LZTS2: variants seen among roughly 807,000 people sequenced by gnomAD.
The protein encoded by LZTS2 is leucine zipper tumor suppressor 2, also known as leucine zipper putative tumor suppressor 2.
In LZTS2, 32 loss-of-function variants were observed where a neutral mutation model predicts 60.6. The observed-to-expected ratio is 0.53, with a 90% confidence interval of 0.40 to 0.71. The LOEUF (loss-of-function observed/expected upper bound fraction) is 0.71, where lower values mean the gene tolerates loss of function less well. Among genes scored for constraint, LZTS2 ranks in the 30% least tolerant of loss-of-function variants. LZTS2 has a pLI of 0.00. For synonymous variants in LZTS2, 360 were observed against 393.1 expected (o/e 0.92, Z 1.00); for missense variants, 792 against 901.9 (o/e 0.88, Z 1.56).
intron 1 of LZTS2, 185 bp downstream of exon 2, chr10:101,003,131 T>C: frequency 1.4e-6 from 1 of 728,422 alleles, no homozygotes; most frequent in Non-Finnish European, 2.2e-6. Context: ...TGAGCCTCAG[T>C]TTCTAGAACT....
chr10:101,002,938 C>A, exon 1 of LZTS2: 1 of 1,609,636 alleles, frequency 6.2e-7, no homozygotes, highest in South Asian at 1.1e-5. Context: ...CTCTGGAAAG[C>A]TGGAGAAGGT....
intron 2 of LZTS2, among the ~76,000 whole-genome samples, chr10:101,004,581 C>T (rs58678340): frequency 0.037 from 5,660 of 152,184 alleles, 182 homozygotes; most frequent in African/African-American, 0.092. Context: ...CCAGCCTGGG[C>T]GACAGAGCAA....
rs1425680708 is a variant in LZTS2 at position 101,005,476 on chromosome 10, C to T, written c.1087C>T (p.Arg363Trp). The T allele has an allele frequency of 5.7e-6, 9 of 1,568,948 alleles. No homozygotes were observed. The African/African-American group carries it at 8.1e-5, about 14-fold the overall frequency. The change falls in exon 3 of 4, where the codon CGG (arginine) becomes TGG (tryptophan). Residue 363 changes from arginine (R) to tryptophan (W), a missense_variant. Arg to Trp is a moderately radical substitution (Grantham distance 101, BLOSUM62 -3). Transcript: ENST00000370220. ...CCTGCAGGCATACGAGGAGCGGCAG[C>T]GGCACTGGCAGCGAGAGCGTGAGGC...
exon 4 of LZTS2, chr10:101,007,630 T>G: frequency 8.1e-7 from 1 of 1,231,172 alleles, no homozygotes; most frequent in South Asian, 1.4e-5. Context: ...AGGTTTGAGC[T>G]CTGCAGCCTC....
chr10:100,999,547 T>A (rs1851982597), exon 1 of LZTS2: 1 of 151,918 alleles, frequency 6.6e-6, no homozygotes, highest in Admixed American at 6.5e-5. Flanking sequence ...GGGCCCCGGC[T>A]GGGGTTGAGG....
At chr10:101,005,810 C>T (rs774978653) in intron 3 of LZTS2, 95 bp downstream of exon 4, 79 of 1,398,242 alleles carry the variant, frequency 5.6e-5, no homozygotes, top group Non-Finnish European at 7.0e-5. Context: ...CTGCCACCCC[C>T]AGAGGTCCTC....
rs751783604 is a variant in LZTS2 at position 101,002,753 on chromosome 10, C to CCA, written c.215_216insCA (p.Leu73SerfsTer71). 6.2e-7 allele frequency: 1 copy of CCA among 1,613,286 alleles called. No homozygotes were observed. The highest frequency in any genetic ancestry group is 8.5e-7 in the Non-Finnish European group (1 of 1,179,746). ...CGGGGTGGCTATGAGGCACAGGAGC[C>CCA]GCTGTGCCCAGCTGTGCCCCCTAGG... On this transcript the variant is annotated frameshift_variant, in exon 1 of 4. Coordinates refer to ENST00000370220, the Ensembl canonical transcript of LZTS2. LOFTEE classifies it high-confidence loss of function.
At chr10:101,006,645 A>C (rs1158269053) in exon 4 of LZTS2, 1 of 1,589,466 alleles carries the variant, frequency 6.3e-7, no homozygotes, top group Admixed American at 1.8e-5. Context: ...CGGGGTCTAC[A>C]GGAGGCCGCC....
chr10:101,006,488 T>A, exon 4 of LZTS2: 1 of 1,607,660 alleles, frequency 6.2e-7, no homozygotes, highest in Non-Finnish European at 8.5e-7. Flanking sequence ...CCCCCAGGTG[T>A]GCCAGAAATC....
chr10:101,004,158 A>AGG lies in LZTS2; in HGVS notation c.1060_1061insGG (p.Met354ArgfsTer101). 1 of 1,599,488 alleles carries AGG rather than the reference A, an allele frequency of 6.3e-7. No homozygotes were observed. Among genetic ancestry groups the AGG allele is most frequent in the Non-Finnish European group, 8.6e-7 (1 of 1,169,424 alleles). On this transcript the variant is annotated frameshift_variant, in exon 2 of 4. Coordinates refer to ENST00000370220, the Ensembl canonical transcript of LZTS2. LOFTEE classifies it high-confidence loss of function. Reference sequence around the variant, plus strand: ...CAGTCTGGACGAGAATGAGGCTACCATGTGCCAGGTGTGGTCAGAGGCAAT... The same window carrying AGG: ...CAGTCTGGACGAGAATGAGGCTACCAGGTGTGCCAGGTGTGGTCAGAGGCAAT...
exon 2 of LZTS2, chr10:101,003,524 G>A (rs1158453948): frequency 1.3e-6 from 2 of 1,519,198 alleles, no homozygotes; most frequent in African/African-American, 2.8e-5. Context: ...AGAAGATCCT[G>A]ATCCGCCCAA....
chr10:101,006,377 G>A (rs1852196963), intron 3 of LZTS2, 108 bp from the exon 5 acceptor site: 5 of 1,446,954 alleles, frequency 3.5e-6, no homozygotes, highest in Non-Finnish European at 3.7e-6. Context: ...TCTGTAAAAT[G>A]GGGATAAAGA....
At chr10:101,004,084 T>C in exon 2 of LZTS2, 1 of 1,613,220 alleles carries the variant, frequency 6.2e-7, no homozygotes, top group Non-Finnish European at 8.5e-7. Flanking sequence ...CACTGTGTCC[T>C]GGAAGGAAAG....
chr10:101,003,029 G>A (rs1281915393), intron 1 of LZTS2, 83 bp downstream of exon 2: 1 of 1,463,590 alleles, frequency 6.8e-7, no homozygotes, highest in Non-Finnish European at 9.1e-7. Flanking sequence ...TTATATAGAG[G>A]AAAGAGTGTG....
At position 101,007,479 on chromosome 10, in the gene LZTS2, C is replaced by T. The variant is rs1417272959; in HGVS notation, c.*311C>T. 3 of 1,421,944 alleles carry T rather than the reference C, an allele frequency of 2.1e-6. No individual in the cohort carries two copies. The African/African-American group carries it at 4.3e-5, about 20-fold the overall frequency. 88.1% of individuals were successfully genotyped at this position (1,421,944 alleles called of 1,614,324 possible). A position where few individuals can be genotyped will look rare whatever the true frequency, so the allele number is the denominator to read the frequency against. ...ACAGGCGCTTCCAGCCCACTCCAGC[C>T]AGGGGAGCAGGGAAGAAGAAGGGGC... On this transcript the variant is annotated 3_prime_UTR_variant, in exon 4 of 4. Transcript: ENST00000370220.
chr10:101,006,923 G>A (rs745860010), exon 4 of LZTS2: 3 of 1,535,006 alleles, frequency 2.0e-6, no homozygotes, highest in East Asian at 2.4e-5. Context: ...GCGGCGGCGG[G>A]GTGAGGAGCA....
upstream of LZTS2, chr10:100,996,802 A>T (rs1481505920): frequency 6.6e-6 from 1 of 152,294 alleles, no homozygotes; most frequent in Non-Finnish European, 1.5e-5. Flanking sequence ...CCATCGGAGC[A>T]GGGAGGGTGG....
At chr10:101,004,627 G>T (rs970479359) in intron 2 of LZTS2, among the ~76,000 whole-genome samples, 2 of 152,152 alleles carry the variant, frequency 1.3e-5, no homozygotes, top group Admixed American at 1.3e-4. Context: ...AACTTGTGGG[G>T]TGGAAAGGAG....
chr10:101,002,082 T>C (rs556962575), exon 1 of LZTS2: 2 of 156,004 alleles, frequency 1.3e-5, no homozygotes, highest in Admixed American at 6.5e-5. Flanking sequence ...ACCCCTGAGG[T>C]ACCTCTGCCC....
Sources: gnomAD v4.1 joint callset for allele counts (sites outside exome capture counted in the v4.1 genomes callset) on GRCh38, gnomAD v4.1.1 for gene constraint, MANE v1.5 for transcripts, NCBI Gene and HGNC (gene_info 2026-07-23, HGNC 2026-07-21) for gene names.